The following NAV3 variants were observed in gnomAD, a reference collection of about 807,000 sequenced individuals.
The protein encoded by NAV3 is neuron navigator 3.
NAV3 carries 87 observed loss-of-function variants against 244.7 expected under a neutral mutation model. The ratio of observed to expected loss-of-function variants is 0.36; its 90% confidence interval spans 0.30 to 0.42. The LOEUF is 0.42. NAV3 is among the 20% of genes least tolerant of loss of function. The pLI, the probability that NAV3 is intolerant of heterozygous loss-of-function variation, is 1.00. For missense variants in NAV3, 2,663 were observed against 2,893.3 expected (o/e 0.92, Z 1.83); for synonymous variants, 1,126 against 1,042.2 (o/e 1.08, Z -1.55).
intron 3 of NAV3, among the ~76,000 whole-genome samples, chr12:77,960,542 CAT>C (rs768376042): frequency 9.4e-5 from 14 of 148,840 alleles, no homozygotes; most frequent in Non-Finnish European, 4.5e-5. Context: ...ATATGTAACA[CAT>C]ATGATATAGA....
At chr12:77,816,614 C>T (rs574671089) in intron 2 of NAV3, among the ~76,000 whole-genome samples, 1 of 152,272 alleles carries the variant, frequency 6.6e-6, no homozygotes, top group East Asian at 1.9e-4. Context: ...ATGTGCTCGG[C>T]TATCATCTGC....
intron 22 of NAV3, among the ~76,000 whole-genome samples, chr12:78,154,007 T>C (rs1957176409): frequency 1.3e-5 from 2 of 148,478 alleles, no homozygotes; most frequent in Admixed American, 1.4e-4. Context: ...ATATAAAGTT[T>C]ATATGGGTAA....
In NAV3 at chr12:77,595,458, A is replaced by G. The variant is rs1870124254; in HGVS notation, c.72+23192A>G. Among the ~76,000 whole-genome samples the G allele has an allele frequency of 2.0e-5, 3 of 152,122 alleles. No homozygotes were observed. The South Asian group carries it at 6.2e-4, about 32-fold the overall frequency. ...TTATCTGGAATGAGTAAGCCTAGAG[A>G]CCAAATGTAAGCATAATGACTATAA... is the stretch of plus-strand genomic sequence containing the variant. On this transcript the variant is annotated intron_variant, in intron 2 of 8. Coordinates refer to the NAV3 transcript ENST00000550042.
intron 2 of NAV3, among the ~76,000 whole-genome samples, chr12:77,768,753 C>A (rs1228705864): frequency 6.6e-6 from 1 of 152,204 alleles, no homozygotes; most frequent in Non-Finnish European, 1.5e-5. Context: ...CGGGCTCCTG[C>A]CCTGCAATCT....
chr12:77,961,671 C>T (rs1305318624), intron 3 of NAV3, among the ~76,000 whole-genome samples: 5 of 137,614 alleles, frequency 3.6e-5, no homozygotes, highest in African/African-American at 1.3e-4. Context: ...ATATTACATA[C>T]ATGTAATATA....
At chr12:78,022,404 C>T (rs894026322) in intron 9 of NAV3, among the ~76,000 whole-genome samples, 1 of 152,054 alleles carries the variant, frequency 6.6e-6, no homozygotes, top group Non-Finnish European at 1.5e-5. Context: ...CTCTAGGGTC[C>T]AGGTAAGCCT....
intron 2 of NAV3, among the ~76,000 whole-genome samples, chr12:77,728,714 A>G (rs1195879814): frequency 3.3e-5 from 5 of 151,942 alleles, no homozygotes; most frequent in Admixed American, 1.3e-4. Context: ...CAATTTTGTA[A>G]GTGATGTCCA....
At chr12:77,913,880 T>C (rs1224114169) in intron 1 of NAV3, among the ~76,000 whole-genome samples, 1 of 152,148 alleles carries the variant, frequency 6.6e-6, no homozygotes. Context: ...CTTGATACTT[T>C]TTCAGTCTGA....
At chr12:77,841,043 G>T (rs1237921338) in intron 1 of NAV3, among the ~76,000 whole-genome samples, 1 of 152,134 alleles carries the variant, frequency 6.6e-6, no homozygotes, top group African/African-American at 2.4e-5. Context: ...TTTTCTGTAA[G>T]AACTGTTTTA....
chr12:77,697,327 G>A (rs924184976), intron 2 of NAV3, among the ~76,000 whole-genome samples: 40 of 152,224 alleles, frequency 2.6e-4, no homozygotes, highest in African/African-American at 9.4e-4. Flanking sequence ...TGATGGGCAG[G>A]TCAAAATGGC....
chr12:77,941,008 T>G, intron 2 of NAV3, 73 bp from the exon 3 acceptor site: 1 of 936,966 alleles, frequency 1.1e-6, no homozygotes, highest in Non-Finnish European at 1.7e-6. Flanking sequence ...CCTGTTTTCG[T>G]GTGTGTGTTT....
At position 77,803,239 on chromosome 12, in the gene NAV3, T is replaced by TC. The variant is rs1167327044; in HGVS notation, c.73-137080_73-137079insC. Among the ~76,000 whole-genome samples, 23 of 152,224 alleles carry TC rather than the reference T, an allele frequency of 1.5e-4. 2 individuals are homozygous for TC. Among genetic ancestry groups the TC allele is most frequent in the African/African-American group, 5.3e-4 (22 of 41,538 alleles). On this transcript the variant is annotated intron_variant, in intron 2 of 8. Transcript: ENST00000550042. ...TTCTCCTACACCCATCAACCCATCATTTACATTAGGTATTTCTCCTAATGC... is the reference window on the plus strand; with the variant it reads ...TTCTCCTACACCCATCAACCCATCATCTTACATTAGGTATTTCTCCTAATGC...
chr12:78,013,375 T>C (rs1409371595), intron 8 of NAV3, among the ~76,000 whole-genome samples: 1 of 152,136 alleles, frequency 6.6e-6, no homozygotes, highest in Non-Finnish European at 1.5e-5. Context: ...AGTGAAAAGT[T>C]ACTTTTAGCT....
intron 2 of NAV3, among the ~76,000 whole-genome samples, chr12:77,623,665 CTTG>C (rs1219820043): frequency 2.0e-5 from 3 of 152,174 alleles, no homozygotes; most frequent in Non-Finnish European, 4.4e-5. Flanking sequence ...TCTTTATACA[CTTG>C]TTGTCTCGAA....
intron 1 of NAV3, among the ~76,000 whole-genome samples, chr12:77,842,770 A>G (rs1414245630): frequency 2.6e-5 from 4 of 152,090 alleles, no homozygotes; most frequent in Non-Finnish European, 5.9e-5. Context: ...AAGCACATAT[A>G]AAGAATATTA....
chr12:77,588,045 A>G (rs11836831), intron 2 of NAV3, among the ~76,000 whole-genome samples: 3,731 of 152,292 alleles, frequency 0.024, 160 homozygotes, highest in African/African-American at 0.085. Context: ...TATTTTAAAC[A>G]TTTATTTGTG....
In NAV3 at chr12:78,118,082, A is replaced by T. The variant is rs1955500727; in HGVS notation, c.2825A>T (p.Glu942Val). 6.2e-7 allele frequency: 1 copy of T among 1,614,084 alleles called. No individual in the cohort carries two copies. Among genetic ancestry groups the T allele is most frequent in the South Asian group, 1.1e-5 (1 of 91,072 alleles). The change falls in exon 14 of 40, where the codon GAG becomes GTG. Residue 942 changes from glutamate (E) to valine (V), a missense_variant. Transcript: ENST00000397909. ...STTDETWDSP[E>V]ELKKPEEDFD... is the part of the protein sequence containing the mutation. The stretch of plus-strand genomic sequence containing the variant: ...ACAGACGAGACCTGGGATAGTCCTG[A>T]GGAACTGAAAAAACCAGAAGAAGAT...
intron 5 of NAV3, among the ~76,000 whole-genome samples, chr12:77,981,285 G>A (rs1380334439): frequency 6.6e-6 from 1 of 152,096 alleles, no homozygotes; most frequent in Non-Finnish European, 1.5e-5. Flanking sequence ...AGATATATTT[G>A]CAGAAGTGGC....
chr12:77,624,815 A>T (rs1246670624), intron 2 of NAV3, among the ~76,000 whole-genome samples: 1 of 152,236 alleles, frequency 6.6e-6, no homozygotes, highest in Non-Finnish European at 1.5e-5. Flanking sequence ...AATTCAAGGC[A>T]GCCATCCCTA....
Sources: gnomAD v4.1 joint callset for allele counts (sites outside exome capture counted in the v4.1 genomes callset) on GRCh38, gnomAD v4.1.1 for gene constraint, MANE v1.5 for transcripts, NCBI Gene and HGNC (gene_info 2026-07-23, HGNC 2026-07-21) for gene names.